The following SKAP2 variants were observed in gnomAD, a reference collection of about 807,000 sequenced individuals.
SKAP2 encodes src kinase-associated phosphoprotein 2.
A neutral mutation model predicts 54.9 loss-of-function variants in SKAP2; 28 were observed. The ratio of observed to expected loss-of-function variants is 0.51; its 90% CI spans 0.38 to 0.70. The LOEUF is 0.70. SKAP2 is among the 30% of genes least tolerant of loss of function. The pLI, the probability that SKAP2 is intolerant of heterozygous loss-of-function variation, is 0.00. For synonymous variants in SKAP2, 137 were observed against 134.3 expected, an observed-to-expected ratio of 1.02 and a Z score of -0.14; for missense variants, 356 against 424.1, an observed-to-expected ratio of 0.84 and a Z score of 1.41.
intron 1 of SKAP2, chr7:26,857,845 T>C (rs1785205046): frequency 1.8e-6 from 1 of 543,494 alleles, no homozygotes; most frequent in Non-Finnish European, 2.3e-6. Flanking sequence ...AAGCTTCTTA[T>C]TGTGCTCTAA....
intron 4 of SKAP2, among the ~76,000 whole-genome samples, chr7:26,773,164 C>T (rs1454431803): frequency 6.6e-6 from 1 of 152,312 alleles, no homozygotes; most frequent in South Asian, 2.1e-4. Context: ...AACTAGCAGC[C>T]ACACAACATT....
intron 4 of SKAP2, among the ~76,000 whole-genome samples, chr7:26,762,398 A>T (rs1395106352): frequency 1.3e-5 from 2 of 152,108 alleles, no homozygotes; most frequent in South Asian, 2.1e-4. Flanking sequence ...GAATCTTAAG[A>T]CTCTAGACAT....
At position 26,854,445 on chromosome 7, in the gene SKAP2, TTC is replaced by T. The variant is rs1785117694; in HGVS notation, c.174-285_174-284del. Among the ~76,000 whole-genome samples, 6 of 152,160 alleles carry T rather than the reference TTC, an allele frequency of 3.9e-5. No homozygotes were observed. The East Asian group carries it at 9.6e-4, about 24-fold the overall frequency. Reference sequence around the variant, plus strand: ...TTCATTTAAAGTAGTAACAAAAGAATTCTCTTTCTTCAGTGTCAGGTATTTTC... The same window carrying T: ...TTCATTTAAAGTAGTAACAAAAGAATTCTTTCTTCAGTGTCAGGTATTTTC... On this transcript the variant is annotated intron_variant, in intron 2 of 12. Transcript: ENST00000345317.
intron 4 of SKAP2, among the ~76,000 whole-genome samples, chr7:26,836,655 T>A (rs904002864): frequency 2.3e-4 from 35 of 152,198 alleles, no homozygotes; most frequent in African/African-American, 7.5e-4. Context: ...TTACACCAGT[T>A]AGAACAGTGA....
At chr7:26,821,117 A>T (rs1441613345) in intron 4 of SKAP2, among the ~76,000 whole-genome samples, 4 of 152,176 alleles carry the variant, frequency 2.6e-5, no homozygotes, top group Non-Finnish European at 5.9e-5. Flanking sequence ...ATAAGAGTTT[A>T]TCTTTTTTAA....
chr7:26,855,053 T>C (rs1331666060), intron 1 of SKAP2, 163 bp from the exon 2 acceptor site: 1 of 498,374 alleles, frequency 2.0e-6, no homozygotes, highest in East Asian at 3.4e-5. Flanking sequence ...GTGTTTCAAA[T>C]ACTAAGTTGA....
At chr7:26,676,442 T>C (rs1251235527) in intron 11 of SKAP2, among the ~76,000 whole-genome samples, 1 of 152,156 alleles carries the variant, frequency 6.6e-6, no homozygotes, top group Non-Finnish European at 1.5e-5. Flanking sequence ...AGAAACACCA[T>C]TGTCTTTGGA....
At chr7:26,848,509 G>A (rs1008683872) in intron 3 of SKAP2, among the ~76,000 whole-genome samples, 3 of 143,160 alleles carry the variant, frequency 2.1e-5, no homozygotes, top group East Asian at 2.0e-4. Flanking sequence ...CTTAGGTTCC[G>A]TCCCCCAAGA....
In SKAP2 at chr7:26,812,305, C is replaced by CCATA. The variant is rs377143903; in HGVS notation, c.307+31721_307+31724dup. On this transcript the variant is annotated intron_variant, in intron 4 of 12. Coordinates refer to ENST00000345317, the MANE Select transcript of SKAP2 (RefSeq NM_003930.5). ...TTTACTGGGAAATGAGAGTATTTGC[C>CCATA]CATATACACTTTATGTCTATGTTAA... Among the ~76,000 whole-genome samples, 681 of 152,086 alleles carry CCATA rather than the reference C, an allele frequency of 4.5e-3. 6 individuals are homozygous for CCATA. The highest frequency in any genetic ancestry group is 0.015 in the African/African-American group (640 of 41,470).
chr7:26,755,625 C>G (rs6970591), intron 4 of SKAP2, among the ~76,000 whole-genome samples: 4 of 151,918 alleles, frequency 2.6e-5, no homozygotes, highest in Non-Finnish European at 5.9e-5. Context: ...TAAGTTCCAA[C>G]AGCCCAGAGA....
At chr7:26,850,400 C>T (rs1785014688) in intron 3 of SKAP2, among the ~76,000 whole-genome samples, 1 of 151,530 alleles carries the variant, frequency 6.6e-6, no homozygotes, top group African/African-American at 2.4e-5. Context: ...GGCAACATGG[C>T]GAAAACCCAT....
chr7:26,725,893 G>A, intron 8 of SKAP2, 30 bp downstream of exon 8: 1 of 1,547,762 alleles, frequency 6.5e-7, no homozygotes, highest in Non-Finnish European at 8.9e-7. Context: ...TTTAAAGACT[G>A]TGATAACTTG....
intron 4 of SKAP2, among the ~76,000 whole-genome samples, chr7:26,782,457 C>G (rs571373785): frequency 6.6e-6 from 1 of 152,300 alleles, no homozygotes; most frequent in East Asian, 1.9e-4. Flanking sequence ...AAACATGCTG[C>G]TATGGTCTAA....
At chr7:26,711,433 C>T (rs1439295838) in intron 9 of SKAP2, among the ~76,000 whole-genome samples, 1 of 152,118 alleles carries the variant, frequency 6.6e-6, no homozygotes, top group Non-Finnish European at 1.5e-5. Flanking sequence ...AGTTCATCAG[C>T]GACTTTGTGG....
intron 4 of SKAP2, among the ~76,000 whole-genome samples, chr7:26,815,812 A>T (rs1334444033): frequency 6.6e-6 from 1 of 152,180 alleles, no homozygotes; most frequent in Non-Finnish European, 1.5e-5. Context: ...GGGAATGATA[A>T]AACAGTATAT....
Position 26,670,177 on chromosome 7 carries a change from C to T in SKAP2, c.1003G>A (p.Gly335Ser). ...CCCTTCATTTCTCCTACCCACCAGC[C>T]ATATCTATTGTATTCCTAATTGAAA... Reference protein sequence around the residue: ...YILSKEYNRYGWWVGEMKGAI... With the variant: ...YILSKEYNRYSWWVGEMKGAI... The change falls in exon 12 of 13, where the codon GGC (glycine) becomes AGC (serine). Residue 335 changes from glycine to serine, a missense_variant. By Grantham distance (56) the Gly-to-Ser change is moderately conservative. Transcript: ENST00000345317. 1 of 1,546,056 alleles carries T rather than the reference C, an allele frequency of 6.5e-7. No homozygotes were observed. The highest frequency in any genetic ancestry group is 8.9e-7 in the Non-Finnish European group (1 of 1,118,328).
rs545443438 is a variant in SKAP2 at position 26,668,332 on chromosome 7, A to C, written c.*1334T>G. On this transcript the variant is annotated 3_prime_UTR_variant, in exon 13 of 13. Transcript: ENST00000345317. Reference sequence around the variant, plus strand: ...GCATTTTGACATATGTTAAGGCTACATTGGTATCTCATAGGTATTTTAAAC... The same window carrying C: ...GCATTTTGACATATGTTAAGGCTACCTTGGTATCTCATAGGTATTTTAAAC... The C allele has an allele frequency of 1.3e-5, 2 of 152,240 alleles. No homozygotes were observed. The highest frequency in any genetic ancestry group is 2.9e-5 in the Non-Finnish European group (2 of 68,040). The allele number at this position is 152,240 out of a possible 1,614,324, so 9.4% of individuals were successfully genotyped here. A position where few individuals can be genotyped will look rare whatever the true frequency, so the allele number is the denominator to read the frequency against.
chr7:26,860,736 C>A (rs1211908098), intron 1 of SKAP2, among the ~76,000 whole-genome samples: 1 of 137,412 alleles, frequency 7.3e-6, no homozygotes, highest in Non-Finnish European at 1.6e-5. Flanking sequence ...AAAAATTCTG[C>A]CTCTATTTCA....
intron 4 of SKAP2, among the ~76,000 whole-genome samples, chr7:26,791,030 T>C (rs1276761432): frequency 2.0e-5 from 3 of 149,080 alleles, no homozygotes; most frequent in Non-Finnish European, 4.5e-5. Flanking sequence ...ACATTGAGAT[T>C]GTAAAACTTG....
Sources: allele counts gnomAD v4.1 joint callset (sites outside exome capture counted in the v4.1 genomes callset), GRCh38; gene constraint gnomAD v4.1.1; transcripts MANE v1.5; gene names NCBI Gene and HGNC (gene_info 2026-07-23, HGNC 2026-07-21).